The following RNF4 variants were observed in gnomAD, a reference collection of about 807,000 sequenced individuals.
RNF4 encodes E3 ubiquitin-protein ligase RNF4.
A neutral mutation model predicts 24.3 loss-of-function variants in RNF4; 7 were observed. The observed-to-expected ratio is 0.29, with a 90% CI of 0.16 to 0.54. The LOEUF (loss-of-function observed/expected upper bound fraction) is 0.54, where lower values mean the gene tolerates loss of function less well. Among genes scored for constraint, RNF4 ranks in the 20% least tolerant of loss-of-function variants. RNF4 has a pLI of 0.95. For synonymous variants in RNF4, 83 were observed against 84.3 expected, an observed-to-expected ratio of 0.98 and a Z score of 0.09; for missense variants, 209 against 248.5, an observed-to-expected ratio of 0.84 and a Z score of 1.07.
At chr4:2,484,067 T>TGGCCCCCCC (rs113878655) in intron 1 of RNF4, among the ~76,000 whole-genome samples, 1 of 13,282 alleles carries the variant, frequency 7.5e-5, no homozygotes, top group Non-Finnish European at 1.6e-4. Context: ...CCTCAGGTGA[T>TGGCCCCCCC]CCCCCCCCGC....
chr4:2,510,965 C>T (rs894319416), intron 4 of RNF4, among the ~76,000 whole-genome samples: 3 of 152,334 alleles, frequency 2.0e-5, no homozygotes, highest in Non-Finnish European at 2.9e-5. Context: ...GTGTCACACG[C>T]ATTGGTCATG....
intron 3 of RNF4, among the ~76,000 whole-genome samples, chr4:2,498,741 T>C (rs1735816842): frequency 6.6e-6 from 1 of 152,038 alleles, no homozygotes; most frequent in South Asian, 2.1e-4. Context: ...CTGGACAACA[T>C]AGTGAGACCC....
chr4:2,482,503 C>G (rs1735273932), intron 1 of RNF4, among the ~76,000 whole-genome samples: 1 of 152,166 alleles, frequency 6.6e-6, no homozygotes, highest in Non-Finnish European at 1.5e-5. Context: ...AGGTTTCCTT[C>G]ATTATCTTAC....
At chr4:2,501,624 G>C (rs1042701765) in intron 4 of RNF4, among the ~76,000 whole-genome samples, 1 of 152,248 alleles carries the variant, frequency 6.6e-6, no homozygotes, top group South Asian at 2.1e-4. Flanking sequence ...GTTTGCCTCT[G>C]GAAGATGCCA....
chr4:2,489,200 G>T (rs1165277619), intron 1 of RNF4, among the ~76,000 whole-genome samples: 1 of 152,190 alleles, frequency 6.6e-6, no homozygotes, highest in Non-Finnish European at 1.5e-5. Context: ...ATGCTTAGGA[G>T]TTAGGCCTTG....
intron 1 of RNF4, among the ~76,000 whole-genome samples, chr4:2,479,610 T>C (rs1471890034): frequency 6.6e-6 from 1 of 152,196 alleles, no homozygotes; most frequent in Non-Finnish European, 1.5e-5. Context: ...TACTCCTCCT[T>C]GCCTTCCACC....
At chr4:2,495,484 G>T (rs1246170168) in intron 2 of RNF4, among the ~76,000 whole-genome samples, 1 of 152,172 alleles carries the variant, frequency 6.6e-6, no homozygotes, top group East Asian at 1.9e-4. Flanking sequence ...AGCTCTGCAA[G>T]GCTGGTACTG....
At chr4:2,496,957 C>A in intron 2 of RNF4, 50 bp from the exon 3 acceptor site, 1 of 1,387,698 alleles carries the variant, frequency 7.2e-7, no homozygotes, top group South Asian at 1.3e-5. Context: ...CTTCCTGAAA[C>A]CCTGACATTC....
chr4:2,500,966 T>C (rs577596488), intron 4 of RNF4, among the ~76,000 whole-genome samples: 1 of 152,372 alleles, frequency 6.6e-6, no homozygotes, highest in African/African-American at 2.4e-5. Context: ...AAAATGTTTC[T>C]GGAAAATCAT....
intron 7 of RNF4, 80 bp downstream of exon 7, chr4:2,513,211 C>T: frequency 1.5e-6 from 2 of 1,372,100 alleles, no homozygotes; most frequent in Non-Finnish European, 1.0e-6. Flanking sequence ...GGATCTTCCC[C>T]CTCGGTGGGA....
At position 2,512,971 on chromosome 4, in the gene RNF4, G is replaced by GCA; in HGVS notation, c.375-112_375-111insCA. 1 of 1,058,990 alleles carries GCA rather than the reference G, an allele frequency of 9.4e-7. No individual in the cohort carries two copies. Among genetic ancestry groups the GCA allele is most frequent in the South Asian group, 1.3e-5 (1 of 76,968 alleles). 65.6% of individuals were successfully genotyped at this position (1,058,990 alleles called of 1,614,324 possible). On this transcript the variant is annotated intron_variant, in intron 6 of 7. Coordinates refer to ENST00000314289, the MANE Select transcript of RNF4 (RefSeq NM_002938.5). The surrounding 1 kb of genome is among the most constrained non-coding windows in gnomAD (Gnocchi z 4.1). ...TCTCGGATGCCCGCGCTAAGGCAGA[G>GCA]TCAGGAGGCCAGGGACGGGACTCTT...
chr4:2,500,844 A>T lies in RNF4; in HGVS notation c.204+106A>T. 4.0e-6 allele frequency: 4 copies of T among 999,720 alleles called. No individual in the cohort carries two copies. The South Asian group carries it at 5.6e-5, about 14-fold the overall frequency. The allele number at this position is 999,720 out of a possible 1,614,324, so 61.9% of individuals were successfully genotyped here. ...AGACTCCAAGTCAAGGTTACAGCTT[A>T]TGCTAAAGAAGTTCATGCATCTTGT... On this transcript the variant is annotated intron_variant, in intron 4 of 7. Coordinates refer to ENST00000314289, the MANE Select transcript of RNF4 (RefSeq NM_002938.5).
intron 3 of RNF4, chr4:2,499,244 G>A (rs947736063): frequency 4.5e-6 from 2 of 443,564 alleles, no homozygotes; most frequent in Non-Finnish European, 9.0e-6. Flanking sequence ...CCAAATATTA[G>A]ACCAATACTG....
At chr4:2,492,770 C>A (rs1178431997) in intron 2 of RNF4, among the ~76,000 whole-genome samples, 1 of 152,186 alleles carries the variant, frequency 6.6e-6, no homozygotes, top group African/African-American at 2.4e-5. Flanking sequence ...AAAAAGCCCA[C>A]TTCTTTGACC....
intron 1 of RNF4, among the ~76,000 whole-genome samples, chr4:2,485,503 C>G (rs1431120733): frequency 1.3e-5 from 2 of 152,198 alleles, no homozygotes; most frequent in African/African-American, 4.8e-5. Context: ...TTTTCTAAAA[C>G]TACACTCAGC....
intron 2 of RNF4, among the ~76,000 whole-genome samples, chr4:2,491,191 A>G (rs1735569501): frequency 6.6e-6 from 1 of 152,204 alleles, no homozygotes; most frequent in South Asian, 2.1e-4. Context: ...AGTTTCTTAT[A>G]TTCACTGACC....
intron 4 of RNF4, among the ~76,000 whole-genome samples, chr4:2,511,133 C>T (rs967190786): frequency 5.3e-5 from 8 of 152,254 alleles, no homozygotes; most frequent in African/African-American, 1.7e-4. Flanking sequence ...CACTGCCTCA[C>T]GTAACCCTCA....
chr4:2,502,601 A>G (rs1297990180), intron 4 of RNF4, among the ~76,000 whole-genome samples: 30 of 150,882 alleles, frequency 2.0e-4, no homozygotes, highest in African/African-American at 7.3e-4. Flanking sequence ...GAACCCAGGA[A>G]TCAGAGGTTG....
chr4:2,488,117 A>G (rs1299559709), intron 1 of RNF4, among the ~76,000 whole-genome samples: 1 of 152,186 alleles, frequency 6.6e-6, no homozygotes. Flanking sequence ...CTGTATTCCC[A>G]GGGCAGGGGC....
Sources: gnomAD v4.1 joint callset for allele counts (sites outside exome capture counted in the v4.1 genomes callset) on GRCh38, gnomAD v4.1.1 for gene constraint, Gnocchi (gnomAD v3.1) non-coding constraint, MANE v1.5 for transcripts, NCBI Gene and HGNC (gene_info 2026-07-23, HGNC 2026-07-21) for gene names.